The following ARHGAP35 variants were observed in gnomAD, a reference collection of about 807,000 sequenced individuals.
ARHGAP35 encodes the protein rho GTPase-activating protein 35.
Under a neutral mutation model 111.1 loss-of-function variants are expected in ARHGAP35, and 15 were observed. That is an observed-to-expected ratio of 0.13 (90% confidence interval 0.09 to 0.21). The LOEUF (loss-of-function observed/expected upper bound fraction) is 0.21, where lower values mean the gene tolerates loss of function less well. Among genes scored for constraint, ARHGAP35 ranks in the 10% least tolerant of loss-of-function variants. The pLI, the probability that ARHGAP35 is intolerant of heterozygous loss-of-function variation, is 1.00. For missense variants in ARHGAP35, 1,262 were observed against 1,873.0 expected (o/e 0.67, Z 6.02); for synonymous variants, 643 against 710.3 (o/e 0.91, Z 1.51).
rs1568488939 is a variant in ARHGAP35, at chr19:46,989,525, T to G, written c.3905-19T>G. The stretch of plus-strand genomic sequence containing the variant: ...CTGGCTTAGAATGGTTTGGCCTCAC[T>G]CTCCTGACTTCCTTTCAGACCACAA... On this transcript the variant is annotated intron_variant, in intron 4 of 6. Transcript: ENST00000672722. The surrounding 1 kb of genome is among the most constrained non-coding windows in gnomAD (Gnocchi z 5.3). 6.2e-7 allele frequency: 1 copy of G among 1,613,428 alleles called. No homozygotes were observed. Among genetic ancestry groups the G allele is most frequent in the South Asian group, 1.1e-5 (1 of 91,010 alleles).
At chr19:46,889,864 AT>A (rs1179497525) in intron 1 of ARHGAP35, among the ~76,000 whole-genome samples, 1 of 152,124 alleles carries the variant, frequency 6.6e-6, no homozygotes, top group Non-Finnish European at 1.5e-5. Flanking sequence ...GAAAAACTAA[AT>A]GGTTAGTGTT....
At chr19:46,928,352 A>T (rs891487834) in intron 2 of ARHGAP35, among the ~76,000 whole-genome samples, 5 of 152,140 alleles carry the variant, frequency 3.3e-5, no homozygotes, top group African/African-American at 1.2e-4. Flanking sequence ...CTTTGTAGGG[A>T]CTCAAATTAT....
intron 1 of ARHGAP35, among the ~76,000 whole-genome samples, chr19:46,898,790 T>C (rs2056069908): frequency 6.6e-6 from 1 of 151,784 alleles, no homozygotes; most frequent in Admixed American, 6.6e-5. Flanking sequence ...CTGCTGCTGC[T>C]GCTGCTGCTG....
At chr19:46,985,016 G>A (rs117575612) in intron 3 of ARHGAP35, among the ~76,000 whole-genome samples, 1,530 of 152,212 alleles carry the variant, frequency 0.01, 13 homozygotes, top group Middle Eastern at 0.02. Context: ...GCATTATTCC[G>A]GACTCTTGAG....
chr19:46,922,369 T>C lies in ARHGAP35; in HGVS notation c.3681+13T>C, dbSNP rs1043227094. The C allele has an allele frequency of 1.3e-6, 2 of 1,561,430 alleles. No individual in the cohort carries two copies. Among genetic ancestry groups the C allele is most frequent in the African/African-American group, 2.7e-5 (2 of 73,324 alleles). On this transcript the variant is annotated intron_variant, in intron 2 of 6. Coordinates refer to ENST00000672722, the MANE Select transcript of ARHGAP35 (RefSeq NM_004491.5). This position sits in a 1 kb window ranked among gnomAD's most constrained non-coding sequence, Gnocchi z 4.0. ...GAGGAACACTAAGGTAAGACACCAGTCTAGGATTAGTCATAGTGTTTTGTA... is the reference window on the plus strand; with the variant it reads ...GAGGAACACTAAGGTAAGACACCAGCCTAGGATTAGTCATAGTGTTTTGTA...
chr19:46,956,117 A>G (rs1232027944), intron 3 of ARHGAP35, among the ~76,000 whole-genome samples: 2 of 152,204 alleles, frequency 1.3e-5, no homozygotes, highest in Non-Finnish European at 2.9e-5. Context: ...CAGGAGTTTG[A>G]GACCAGCATG....
At chr19:46,960,750 T>C (rs965550557) in intron 3 of ARHGAP35, among the ~76,000 whole-genome samples, 17 of 152,234 alleles carry the variant, frequency 1.1e-4, no homozygotes, top group African/African-American at 4.1e-4. Flanking sequence ...TGTGCTGGGC[T>C]GCTTTTTATA....
Position 46,918,843 on chromosome 19 carries a change from C to G in ARHGAP35, c.168C>G (p.Ser56=). The change falls in exon 2 of 7, where the codon TCC becomes TCG. Residue 56 remains serine, a synonymous_variant. Coordinates refer to ENST00000672722, the MANE Select transcript of ARHGAP35 (RefSeq NM_004491.5). This position sits in a 1 kb window ranked among gnomAD's most constrained non-coding sequence, Gnocchi z 5.4. ...ACGAGTTTCACTTGGACCATACCTCCGTCCTCAGCACCAGTGACTTTGGAG... is the reference window on the plus strand; with the variant it reads ...ACGAGTTTCACTTGGACCATACCTCGGTCCTCAGCACCAGTGACTTTGGAG... ...SADEFHLDHT[S]VLSTSDFGGR... is the part of the protein sequence containing the mutation. 6.2e-7 allele frequency: 1 copy of G among 1,613,974 alleles called. No homozygotes were observed. Among genetic ancestry groups the G allele is most frequent in the Non-Finnish European group, 8.5e-7 (1 of 1,179,884 alleles).
rs763636261 is a variant in ARHGAP35, at chr19:47,000,681, C to T, written c.4493C>T (p.Thr1498Met). 23 of 1,578,094 alleles carry T rather than the reference C, an allele frequency of 1.5e-5. No individual in the cohort carries two copies. The highest frequency in any genetic ancestry group is 1.1e-4 in the South Asian group (9 of 85,196). ...LLPSQLQAEH[T>M]L The stretch of plus-strand genomic sequence containing the variant: ...CCCTCCCAGCTTCAAGCCGAACACA[C>T]GCTGTGAGCCACCAAGACCTGGGGC... The change falls in exon 7 of 7, where the codon ACG (threonine) becomes ATG (methionine). Residue 1498 changes from threonine (T) to methionine (M), a missense_variant. Coordinates refer to ENST00000672722, the MANE Select transcript of ARHGAP35 (RefSeq NM_004491.5). This position sits in a 1 kb window ranked among gnomAD's most constrained non-coding sequence, Gnocchi z 6.9.
chr19:46,875,597 C>G (rs1198351895), intron 1 of ARHGAP35, among the ~76,000 whole-genome samples: 2 of 152,134 alleles, frequency 1.3e-5, no homozygotes, highest in African/African-American at 4.8e-5. Context: ...AATCTGAGTT[C>G]TCGTGTCTAT....
chr19:46,919,576 G>T lies in ARHGAP35; in HGVS notation c.901G>T (p.Ala301Ser), dbSNP rs772100950. ...GCTGAGTGTCAGCCGAAAGATGCAG[G>T]CCTCTCCAGAATACCAGGACTATGT... ...NWLSVSRKMQ[A>S]SPEYQDYVYL... The change falls in exon 2 of 7, where the codon GCC becomes TCC. Residue 301 changes from alanine to serine, a missense_variant. This residue lies in a region of ARHGAP35 where 328 missense variants were observed against 440.8 expected (regional missense o/e 0.74). Coordinates refer to ENST00000672722, the MANE Select transcript of ARHGAP35 (RefSeq NM_004491.5). This position sits in a 1 kb window ranked among gnomAD's most constrained non-coding sequence, Gnocchi z 6.2. 6.2e-7 allele frequency: 1 copy of T among 1,613,920 alleles called. No homozygotes were observed. The highest frequency in any genetic ancestry group is 2.2e-5 in the East Asian group (1 of 44,872).
intron 1 of ARHGAP35, among the ~76,000 whole-genome samples, chr19:46,866,301 T>G (rs1374161176): frequency 2.6e-5 from 4 of 152,210 alleles, no homozygotes; most frequent in Non-Finnish European, 5.9e-5. Flanking sequence ...TTTGACGCCT[T>G]GCGTTCATTG....
rs2056375065 is a variant in ARHGAP35, at chr19:46,945,633, C to T, written c.3826+8225C>T. On this transcript the variant is annotated intron_variant, in intron 3 of 6. Coordinates refer to ENST00000672722, the MANE Select transcript of ARHGAP35 (RefSeq NM_004491.5). This position sits in a 1 kb window ranked among gnomAD's most constrained non-coding sequence, Gnocchi z 4.1. ...TTCCAAGTGTCGTCACACCTGCCCACCCGGGACGGTCTCAGCGTTCTGGAG... is the reference window on the plus strand; with the variant it reads ...TTCCAAGTGTCGTCACACCTGCCCATCCGGGACGGTCTCAGCGTTCTGGAG... Among the ~76,000 whole-genome samples, 1 of 152,178 alleles carries T rather than the reference C, an allele frequency of 6.6e-6. No individual in the cohort carries two copies. The highest frequency in any genetic ancestry group is 2.4e-5 in the African/African-American group (1 of 41,432).
chr19:46,861,927 CT>C (rs35769624), intron 1 of ARHGAP35, among the ~76,000 whole-genome samples: 96,803 of 151,732 alleles, frequency 0.64, 31,563 homozygotes, highest in Middle Eastern at 0.82. Context: ...ACCCGCATTT[CT>C]TGTCTGCCCT....
rs566795326 is a variant in ARHGAP35, at chr19:46,962,407, C to T, written c.3826+24999C>T. ...GCCGTGAATGTGTGACAATGTCTCT[C>T]ACCTTGAGGCCCCTGAAGAATAATG... On this transcript the variant is annotated intron_variant, in intron 3 of 6. Coordinates refer to ENST00000672722, the MANE Select transcript of ARHGAP35 (RefSeq NM_004491.5). 5.3e-5 allele frequency among the ~76,000 whole-genome samples: 8 copies of T among 152,324 alleles called. No individual in the cohort carries two copies. The South Asian group carries it at 1.7e-3, about 32-fold the overall frequency.
intron 1 of ARHGAP35, among the ~76,000 whole-genome samples, chr19:46,894,834 T>C (rs564444813): frequency 6.6e-6 from 1 of 152,272 alleles, no homozygotes; most frequent in African/African-American, 2.4e-5. Flanking sequence ...GTCCTTGAGA[T>C]TGAGATAATA....
intron 1 of ARHGAP35, among the ~76,000 whole-genome samples, chr19:46,868,804 C>A (rs1398507190): frequency 6.7e-6 from 1 of 149,804 alleles, no homozygotes; most frequent in Non-Finnish European, 1.5e-5. Flanking sequence ...TACAATTTGC[C>A]AATTTACAAT....
At position 46,920,990 on chromosome 19, in the gene ARHGAP35, C is replaced by T. The variant is rs779731535; in HGVS notation, c.2315C>T (p.Ala772Val). The change falls in exon 2 of 7, where the codon GCT becomes GTT. Residue 772 changes from alanine to valine, a missense_variant. Ala to Val is a moderately conservative substitution (Grantham distance 64, BLOSUM62 0). Coordinates refer to ENST00000672722, the MANE Select transcript of ARHGAP35 (RefSeq NM_004491.5). The surrounding 1 kb of genome is among the most constrained non-coding windows in gnomAD (Gnocchi z 7.0). The part of the protein sequence containing the change: ...KRNLNLVSST[A>V]SIKDLADVDL... ...AACTTAAACCTGGTCAGTTCTACTG[C>T]TAGCATCAAAGATTTGGCTGATGTT... The T allele has an allele frequency of 3.7e-6, 6 of 1,614,012 alleles. No homozygotes were observed. The highest frequency in any genetic ancestry group is 5.1e-6 in the Non-Finnish European group (6 of 1,179,902).
At chr19:46,904,909 G>A (rs749466198) in intron 1 of ARHGAP35, among the ~76,000 whole-genome samples, 4 of 152,154 alleles carry the variant, frequency 2.6e-5, no homozygotes, top group Non-Finnish European at 4.4e-5. Flanking sequence ...CCTATGCTCC[G>A]CGTTCCTGTT....
Sources: gnomAD v4.1 joint callset for allele counts (sites outside exome capture counted in the v4.1 genomes callset) on GRCh38, gnomAD v4.1.1 for gene constraint, gnomAD v4.1.1 regional missense constraint, Gnocchi (gnomAD v3.1) non-coding constraint, MANE v1.5 for transcripts, NCBI Gene and HGNC (gene_info 2026-07-23, HGNC 2026-07-21) for gene names.